Variants in RALYL observed in about 807,000 individuals in gnomAD.
The protein encoded by RALYL is RNA-binding Raly-like protein.
RALYL carries 29 observed loss-of-function variants against 35.1 expected under a neutral mutation model. The ratio of observed to expected loss-of-function variants is 0.83; its 90% confidence interval spans 0.61 to 1.13. The LOEUF (loss-of-function observed/expected upper bound fraction) is 1.13, where lower values mean the gene tolerates loss of function less well. Ranked by LOEUF, RALYL falls within the 50% of genes most tolerant of loss-of-function variation. RALYL has a pLI of 0.00. For missense variants in RALYL, 359 were observed against 360.4 expected (o/e 1.00, Z 0.03); for synonymous variants, 120 against 127.6 (o/e 0.94, Z 0.40).
intron 2 of RALYL, chr8:84,665,916 T>A (rs1588876193): frequency 6.6e-6 from 1 of 151,970 alleles, no homozygotes; most frequent in East Asian, 1.9e-4. Flanking sequence ...CTCTCTTATA[T>A]CATAATATAA....
In RALYL at chr8:84,559,159, G is replaced by T. The variant is rs544970638; in HGVS notation, c.256+29582G>T. ...ACTGAGTGATATTTTTTATTTATTT[G>T]GGAGAAAAAGATGATAAAATAATGT... On this transcript the variant is annotated intron_variant, in intron 2 of 8. Transcript: ENST00000521268. 3.5e-3 allele frequency among the ~76,000 whole-genome samples: 530 copies of T among 151,278 alleles called. 4 individuals are homozygous for T. The highest frequency in any genetic ancestry group is 3.1e-3 in the Non-Finnish European group (209 of 67,762).
chr8:84,545,109 C>A (rs540000202), intron 2 of RALYL, among the ~76,000 whole-genome samples: 1 of 152,116 alleles, frequency 6.6e-6, no homozygotes, highest in South Asian at 2.1e-4. Flanking sequence ...CACTGATATG[C>A]AATATAAGAA....
chr8:84,254,151 C>A (rs911550337), intron 1 of RALYL, among the ~76,000 whole-genome samples: 2 of 152,124 alleles, frequency 1.3e-5, no homozygotes, highest in Admixed American at 1.3e-4. Context: ...TTCTAGTAGA[C>A]CATGTTCCTT....
intron 7 of RALYL, among the ~76,000 whole-genome samples, chr8:84,884,310 G>A (rs1257076602): frequency 3.9e-5 from 6 of 151,964 alleles, no homozygotes; most frequent in African/African-American, 1.4e-4. Context: ...TGATCAAAGA[G>A]GGAAAGATTA....
At chr8:84,863,570 A>G (rs1838551352) in intron 6 of RALYL, among the ~76,000 whole-genome samples, 1 of 152,254 alleles carries the variant, frequency 6.6e-6, no homozygotes, top group Admixed American at 6.5e-5. Context: ...ACAGAAAGTC[A>G]TATAGCTAAT....
intron 1 of RALYL, among the ~76,000 whole-genome samples, chr8:84,388,850 G>C (rs1426477203): frequency 6.6e-6 from 1 of 152,056 alleles, no homozygotes; most frequent in Non-Finnish European, 1.5e-5. Context: ...AGTTTAATTA[G>C]ATCCCATTTG....
chr8:84,419,957 TG>T (rs1366073287), intron 1 of RALYL, among the ~76,000 whole-genome samples: 1 of 151,164 alleles, frequency 6.6e-6, no homozygotes, highest in Non-Finnish European at 1.5e-5. Flanking sequence ...GTTGGACATT[TG>T]GGTTGGTTCC....
intron 8 of RALYL, among the ~76,000 whole-genome samples, chr8:84,894,139 A>C (rs1239562299): frequency 2.0e-5 from 3 of 152,144 alleles, no homozygotes; most frequent in Non-Finnish European, 4.4e-5. Context: ...CATTCTGATC[A>C]GTATTCTTGG....
rs543564782 is a variant in RALYL, at chr8:84,723,210, G to A, written c.257-51369G>A. 3.3e-5 allele frequency among the ~76,000 whole-genome samples: 5 copies of A among 152,106 alleles called. No individual in the cohort carries two copies. The South Asian group carries it at 1.0e-3, about 32-fold the overall frequency. On this transcript the variant is annotated intron_variant, in intron 2 of 8. Coordinates refer to ENST00000521268, the MANE Select transcript of RALYL (RefSeq NM_173848.7). ...AGAATCTGAGATTTGTTTTATTGAG[G>A]AAGGCTTAGGCTTGGTTCAGGCCCT... is the stretch of plus-strand genomic sequence containing the variant.
At chr8:84,368,111 T>C (rs1179353614) in intron 1 of RALYL, among the ~76,000 whole-genome samples, 1 of 152,202 alleles carries the variant, frequency 6.6e-6, no homozygotes, top group African/African-American at 2.4e-5. Flanking sequence ...TTGATGTTTC[T>C]TGATGTATTT....
chr8:84,796,954 G>GAGTT (rs553835072), intron 3 of RALYL, among the ~76,000 whole-genome samples: 120 of 152,268 alleles, frequency 7.9e-4, no homozygotes, highest in Admixed American at 2.0e-3. Flanking sequence ...ATAGACTTTG[G>GAGTT]AGTTAGACCT....
intron 1 of RALYL, among the ~76,000 whole-genome samples, chr8:84,307,584 C>T (rs1842061708): frequency 6.6e-6 from 1 of 152,140 alleles, no homozygotes; most frequent in Non-Finnish European, 1.5e-5. Context: ...CTTTGCCATT[C>T]TGAAATTTAC....
chr8:84,203,040 C>T (rs1050695923), intron 1 of RALYL, among the ~76,000 whole-genome samples: 1 of 152,010 alleles, frequency 6.6e-6, no homozygotes, highest in African/African-American at 2.4e-5. Flanking sequence ...TCTAGCCACA[C>T]AACAAAAGAA....
In RALYL at chr8:84,466,303, T is replaced by G. The variant is rs1207562899; in HGVS notation, c.-23-62996T>G. ...TTTGTCATAGATAGCTCTTATTATT[T>G]TGAAATACGTCCCATCAATACCTAA... On this transcript the variant is annotated intron_variant, in intron 1 of 8. Coordinates refer to ENST00000521268, the MANE Select transcript of RALYL (RefSeq NM_173848.7). Among the ~76,000 whole-genome samples, 3 of 142,562 alleles carry G rather than the reference T, an allele frequency of 2.1e-5. No individual in the cohort carries two copies. The East Asian group carries it at 6.2e-4, about 29-fold the overall frequency. The allele number at this position is 142,562 out of a possible 152,430, so 93.5% of individuals were successfully genotyped here.
At chr8:84,398,421 G>C (rs1222058477) in intron 1 of RALYL, among the ~76,000 whole-genome samples, 1 of 151,900 alleles carries the variant, frequency 6.6e-6, no homozygotes, top group Non-Finnish European at 1.5e-5. Context: ...GAAATTGTAA[G>C]TTTTGAAAGT....
chr8:84,477,329 C>T (rs1469573424), intron 1 of RALYL, among the ~76,000 whole-genome samples: 3 of 150,912 alleles, frequency 2.0e-5, no homozygotes, highest in African/African-American at 7.3e-5. Context: ...ATCATAAGCA[C>T]TGTGTGTGTG....
chr8:84,415,822 T>C (rs2044638903), intron 1 of RALYL, among the ~76,000 whole-genome samples: 1 of 152,222 alleles, frequency 6.6e-6, no homozygotes, highest in African/African-American at 2.4e-5. Flanking sequence ...ATTTGTATTG[T>C]TTTTATAGGA....
At chr8:84,397,551 T>C (rs1277977325) in intron 1 of RALYL, among the ~76,000 whole-genome samples, 1 of 152,148 alleles carries the variant, frequency 6.6e-6, no homozygotes, top group Non-Finnish European at 1.5e-5. Context: ...TCTTTGAAGG[T>C]AGCAAAGCAA....
intron 1 of RALYL, among the ~76,000 whole-genome samples, chr8:84,321,698 C>T (rs1019047344): frequency 5.3e-5 from 8 of 152,140 alleles, no homozygotes; most frequent in South Asian, 2.1e-4. Flanking sequence ...CACAGAGCCA[C>T]GAAAAGACTG....
Sources: allele counts gnomAD v4.1 joint callset (sites outside exome capture counted in the v4.1 genomes callset), GRCh38; gene constraint gnomAD v4.1.1; transcripts MANE v1.5; gene names NCBI Gene and HGNC (gene_info 2026-07-23, HGNC 2026-07-21).